LARP1B: variants seen among roughly 807,000 people sequenced by gnomAD.
The protein encoded by LARP1B is La ribonucleoprotein 1B.
In LARP1B, 76 loss-of-function variants were observed where a neutral mutation model predicts 114.2. The observed-to-expected ratio is 0.67, with a 90% CI of 0.55 to 0.81. The LOEUF (loss-of-function observed/expected upper bound fraction) is 0.81, where lower values mean the gene tolerates loss of function less well. Ranked by LOEUF, LARP1B falls within the 30% of genes least tolerant of loss-of-function variation. The probability of loss-of-function intolerance (pLI) is 0.00; values close to 1 mark genes in which losing one functional copy is unlikely to be tolerated. For missense variants in LARP1B, 1,014 were observed against 1,075.8 expected, an observed-to-expected ratio of 0.94 and a Z score of 0.80; for synonymous variants, 345 against 348.0, an observed-to-expected ratio of 0.99 and a Z score of 0.10.
At chr4:128,095,185 G>A (rs539304931) in intron 7 of LARP1B, among the ~76,000 whole-genome samples, 1 of 151,976 alleles carries the variant, frequency 6.6e-6, no homozygotes, top group South Asian at 2.1e-4. Flanking sequence ...TTTTCCTTTA[G>A]TGTTTAAAAA....
chr4:128,090,550 C>T (rs1217930229), intron 5 of LARP1B, among the ~76,000 whole-genome samples: 2 of 152,112 alleles, frequency 1.3e-5, no homozygotes, highest in East Asian at 1.9e-4. Context: ...TTCTATATTT[C>T]GCTTCAGATA....
chr4:128,146,707 G>A (rs1246993012), intron 11 of LARP1B, among the ~76,000 whole-genome samples: 1 of 152,050 alleles, frequency 6.6e-6, no homozygotes, highest in African/African-American at 2.4e-5. Flanking sequence ...TAACATAGAT[G>A]GTAGTAGCAT....
rs1758740124 is a variant in LARP1B at position 128,210,252 on chromosome 4, A to G, written c.*199A>G. ...CATTTTTTCTAACAAGATAAATTCTAAAAATGTTTTCCCTGATTTCACAAA... is the reference window on the plus strand; with the variant it reads ...CATTTTTTCTAACAAGATAAATTCTGAAAATGTTTTCCCTGATTTCACAAA... On this transcript the variant is annotated 3_prime_UTR_variant, in exon 20 of 20. Coordinates refer to ENST00000326639, the MANE Select transcript of LARP1B (RefSeq NM_018078.4). 5 of 1,399,732 alleles carry G rather than the reference A, an allele frequency of 3.6e-6. No homozygotes were observed. Among genetic ancestry groups the G allele is most frequent in the Non-Finnish European group, 4.6e-6 (5 of 1,081,174 alleles). The allele number at this position is 1,399,732 out of a possible 1,614,324, so 86.7% of individuals were successfully genotyped here.
chr4:128,212,454 G>C (rs1358421116), downstream of LARP1B, among the ~76,000 whole-genome samples: 1 of 151,822 alleles, frequency 6.6e-6, no homozygotes, highest in East Asian at 1.9e-4. Flanking sequence ...GACCAGCCTG[G>C]CCAACATGAT....
chr4:128,062,012 C>A (rs1179829509), intron 1 of LARP1B: 1 of 984,996 alleles, frequency 1.0e-6, no homozygotes, highest in East Asian at 1.1e-4. Flanking sequence ...GCCGCCACCG[C>A]CACCGCCGCC....
At chr4:128,158,647 A>G (rs1276251688) in intron 11 of LARP1B, among the ~76,000 whole-genome samples, 1 of 152,182 alleles carries the variant, frequency 6.6e-6, no homozygotes, top group Non-Finnish European at 1.5e-5. Flanking sequence ...CAGCAAATAT[A>G]CTCAAGCTTT....
intron 4 of LARP1B, among the ~76,000 whole-genome samples, chr4:128,080,202 C>T (rs1001867633): frequency 4.6e-5 from 7 of 151,380 alleles, no homozygotes; most frequent in African/African-American, 1.5e-4. Flanking sequence ...AGGGTGGTCT[C>T]GAGCTCCCAA....
At chr4:128,139,133 TA>T (rs1490402911) in intron 11 of LARP1B, among the ~76,000 whole-genome samples, 2 of 151,746 alleles carry the variant, frequency 1.3e-5, no homozygotes, top group African/African-American at 2.4e-5. Context: ...ATCACTTGAA[TA>T]AAAAAGAAAA....
At position 128,090,989 on chromosome 4, in the gene LARP1B, T is replaced by A; in HGVS notation, c.359-12T>A. 6.4e-7 allele frequency: 1 copy of A among 1,570,812 alleles called. No homozygotes were observed. The highest frequency in any genetic ancestry group is 8.7e-7 in the Non-Finnish European group (1 of 1,153,050). ...AAATCGAAGTATATAAAAATATTTT[T>A]ATTTTTAAAAGGTTGGAAGCGAGAT... On this transcript the variant is annotated splice_polypyrimidine_tract_variant and intron_variant, in intron 5 of 19. Transcript: ENST00000326639.
At position 128,074,382 on chromosome 4, in the gene LARP1B, T is replaced by C. The variant is rs1002508627; in HGVS notation, c.-77-78T>C. On this transcript the variant is annotated intron_variant, in intron 1 of 19. Coordinates refer to ENST00000326639, the MANE Select transcript of LARP1B (RefSeq NM_018078.4). Reference sequence around the variant, plus strand: ...GGAAATGATGATTATACTGATTTACTGAAATTGACATAATAGTTATTTTGT... The same window carrying C: ...GGAAATGATGATTATACTGATTTACCGAAATTGACATAATAGTTATTTTGT... 3.9e-5 allele frequency: 9 copies of C among 228,528 alleles called. No individual in the cohort carries two copies. The East Asian group carries it at 1.6e-3, about 41-fold the overall frequency. 14.2% of individuals were successfully genotyped at this position (228,528 alleles called of 1,614,324 possible). A position where few individuals can be genotyped will look rare whatever the true frequency, so the allele number is the denominator to read the frequency against.
chr4:128,072,085 T>TACCTCC (rs2149357832), intron 1 of LARP1B, among the ~76,000 whole-genome samples: 1 of 151,712 alleles, frequency 6.6e-6, no homozygotes, highest in Admixed American at 6.6e-5. Context: ...CTGCAACCTC[T>TACCTCC]ACCTCCTGGG....
In LARP1B at chr4:128,082,236, CG is replaced by C; in HGVS notation, c.291del (p.Asn98ThrfsTer40). 6.2e-7 allele frequency: 1 copy of C among 1,613,060 alleles called. No individual in the cohort carries two copies. The highest frequency in any genetic ancestry group is 1.3e-5 in the African/African-American group (1 of 74,986). ...AGAGAGTCAAGAAAGACCTGGATCC[CG>C]GAACAGCTCAAGATGTCAACCTGAA... is the stretch of plus-strand genomic sequence containing the variant. ...RSESQERPGS[R>X]NSSRCQPEAN... On this transcript the variant is annotated frameshift_variant, in exon 5 of 20. Transcript: ENST00000326639. LOFTEE classifies it high-confidence loss of function.
At position 128,100,564 on chromosome 4, in the gene LARP1B, G is replaced by A. The variant is rs747279330; in HGVS notation, c.813+2234G>A. On this transcript the variant is annotated intron_variant, in intron 8 of 19. Transcript: ENST00000326639. ...TGGGATTACAGGCGTGAGCCACCACGCCTGGACTCATTGTGGTTTTAATTT... is the reference window on the plus strand; with the variant it reads ...TGGGATTACAGGCGTGAGCCACCACACCTGGACTCATTGTGGTTTTAATTT... 5.3e-5 allele frequency among the ~76,000 whole-genome samples: 8 copies of A among 152,080 alleles called. No homozygotes were observed. The South Asian group carries it at 1.0e-3, about 20-fold the overall frequency.
chr4:128,119,193 G>A (rs1437695374), intron 10 of LARP1B, among the ~76,000 whole-genome samples: 4 of 152,132 alleles, frequency 2.6e-5, no homozygotes, highest in African/African-American at 9.7e-5. Flanking sequence ...CTGATTGCAC[G>A]TTCTTGGTAA....
chr4:128,162,752 C>G (rs1227858913), intron 12 of LARP1B, among the ~76,000 whole-genome samples: 1 of 152,006 alleles, frequency 6.6e-6, no homozygotes, highest in African/African-American at 2.4e-5. Flanking sequence ...TTTATTATAG[C>G]CTTTTCCTGA....
At chr4:128,175,475 TC>T (rs1213947454) in intron 12 of LARP1B, among the ~76,000 whole-genome samples, 1 of 152,196 alleles carries the variant, frequency 6.6e-6, no homozygotes, top group East Asian at 1.9e-4. Flanking sequence ...AAAATGGTTA[TC>T]TTCTAATTCC....
At chr4:128,181,040 G>A (rs1182384627) in intron 15 of LARP1B, among the ~76,000 whole-genome samples, 1 of 152,130 alleles carries the variant, frequency 6.6e-6, no homozygotes, top group Non-Finnish European at 1.5e-5. Flanking sequence ...AATGTAGGCA[G>A]CATATATTTG....
intron 11 of LARP1B, among the ~76,000 whole-genome samples, chr4:128,129,749 A>T (rs1391784456): frequency 3.9e-5 from 6 of 152,294 alleles, no homozygotes; most frequent in Middle Eastern, 6.8e-3. Context: ...CTGATGCTTG[A>T]CAAAGAAGCA....
chr4:128,087,541 CTG>C (rs1040630084), intron 5 of LARP1B, among the ~76,000 whole-genome samples: 4 of 152,114 alleles, frequency 2.6e-5, no homozygotes, highest in African/African-American at 9.7e-5. Context: ...AATAATTTCT[CTG>C]TATTTAATTC....
Sources: allele counts gnomAD v4.1 joint callset (sites outside exome capture counted in the v4.1 genomes callset), GRCh38; gene constraint gnomAD v4.1.1; transcripts MANE v1.5; gene names NCBI Gene and HGNC (gene_info 2026-07-23, HGNC 2026-07-21).